COL11A1: variants seen among roughly 807,000 people sequenced by gnomAD.
COL11A1 encodes collagen type XI alpha 1 chain.
A neutral mutation model predicts 265.2 loss-of-function variants in COL11A1; 74 were observed. The observed-to-expected ratio is 0.28, with a 90% CI of 0.23 to 0.34. COL11A1 has a LOEUF of 0.34. COL11A1 is among the 10% of genes least tolerant of loss of function. The pLI, the probability that COL11A1 is intolerant of heterozygous loss-of-function variation, is 1.00. For missense variants in COL11A1, 2,165 were observed against 2,263.6 expected (o/e 0.96, Z 0.88); for synonymous variants, 816 against 727.6 (o/e 1.12, Z -1.96).
intron 43 of COL11A1, among the ~76,000 whole-genome samples, chr1:102,939,298 A>G (rs1658473616): frequency 6.6e-6 from 1 of 152,248 alleles, no homozygotes; most frequent in Non-Finnish European, 1.5e-5. Flanking sequence ...ACTTCAAAGT[A>G]TACTACAACT....
At chr1:103,082,343 G>A (rs1054855353) in intron 2 of COL11A1, among the ~76,000 whole-genome samples, 2 of 151,942 alleles carry the variant, frequency 1.3e-5, no homozygotes, top group African/African-American at 2.4e-5. Context: ...TTACCTTAAT[G>A]TTAGGAAAAC....
At chr1:103,102,712 T>A (rs997811788) in intron 1 of COL11A1, among the ~76,000 whole-genome samples, 1 of 151,976 alleles carries the variant, frequency 6.6e-6, no homozygotes, top group African/African-American at 2.4e-5. Context: ...ATGATGGAGA[T>A]ATCTCAGCAT....
chr1:102,939,199 A>AATT, intron 43 of COL11A1, 111 bp from the exon 44 acceptor site: 2 of 965,154 alleles, frequency 2.1e-6, no homozygotes, highest in Non-Finnish European at 3.3e-6. Flanking sequence ...GCTAGTGTGT[A>AATT]ATGTCACTGT....
At chr1:102,990,143 C>T (rs1663988355) in intron 28 of COL11A1, among the ~76,000 whole-genome samples, 1 of 152,088 alleles carries the variant, frequency 6.6e-6, no homozygotes, top group Non-Finnish European at 1.5e-5. Context: ...CGTGATTGTG[C>T]TACTGTACTC....
chr1:103,074,958 G>C (rs150016279), intron 3 of COL11A1, among the ~76,000 whole-genome samples, 178 bp from the exon 4 acceptor site: 75 of 152,160 alleles, frequency 4.9e-4, no homozygotes, highest in African/African-American at 1.6e-3. Context: ...TTACCCAACA[G>C]TACTAGGTAC....
chr1:102,914,352 T>C lies in COL11A1; in HGVS notation c.3978A>G (p.Ala1326=), dbSNP rs765205964. The C allele has an allele frequency of 1.9e-6, 3 of 1,604,502 alleles. No individual in the cohort carries two copies. Among genetic ancestry groups the C allele is most frequent in the Non-Finnish European group, 8.5e-7 (1 of 1,172,782 alleles). The change falls in exon 52 of 67, where the codon GCA becomes GCG. Residue 1326 remains alanine, a splice_region_variant and synonymous_variant. Coordinates refer to ENST00000370096, the MANE Select transcript of COL11A1 (RefSeq NM_001854.4). ...DPGPPGEPGP[A]GQDGVGGDKG... The stretch of plus-strand genomic sequence containing the variant: ...TTCTTGATTTTTCCCTGATACTTAC[T>C]GCAGGGCCAGGTTCCCCAGGAGGAC...
chr1:102,935,439 T>A (rs974076), intron 44 of COL11A1, among the ~76,000 whole-genome samples: 2 of 152,126 alleles, frequency 1.3e-5, no homozygotes, highest in South Asian at 4.1e-4. Context: ...AGTATCAGAT[T>A]TCTTTAATGA....
At chr1:103,015,632 T>C (rs2101904450) in intron 12 of COL11A1, 36 bp downstream of exon 12, 3 of 1,444,668 alleles carry the variant, frequency 2.1e-6, no homozygotes, top group African/African-American at 1.4e-5. Flanking sequence ...GATGACAAGA[T>C]ATCAAGTCAT....
chr1:103,008,844 G>A (rs951331233), intron 14 of COL11A1, among the ~76,000 whole-genome samples: 2 of 152,116 alleles, frequency 1.3e-5, no homozygotes, highest in African/African-American at 4.8e-5. Context: ...CATTATTTAT[G>A]ACTACACTGT....
intron 35 of COL11A1, 67 bp from the exon 36 acceptor site, chr1:102,974,950 G>A: frequency 8.4e-7 from 1 of 1,190,870 alleles, no homozygotes; most frequent in South Asian, 1.2e-5. Flanking sequence ...TATACTTTGA[G>A]GTTTATTTAC....
intron 54 of COL11A1, among the ~76,000 whole-genome samples, chr1:102,905,237 G>A (rs556809423): frequency 2.0e-5 from 2 of 102,422 alleles, no homozygotes; most frequent in Non-Finnish European, 3.7e-5. Context: ...GTGGGGGGAG[G>A]GGGGAGGGAT....
chr1:102,978,629 A>T, intron 35 of COL11A1, 79 bp downstream of exon 35: 2 of 1,456,832 alleles, frequency 1.4e-6, no homozygotes, highest in Non-Finnish European at 1.9e-6. Flanking sequence ...ATTAGCAGAC[A>T]TATATCTTTT....
rs191976887 is a variant in COL11A1, at chr1:102,956,014, C to T, written c.3168+5852G>A. On this transcript the variant is annotated intron_variant, in intron 41 of 66. Coordinates refer to ENST00000370096, the MANE Select transcript of COL11A1 (RefSeq NM_001854.4). ...GTTTTCCTAGACTTTAAAATCCCAA[C>T]GTCACAGCACCCTATTGGTATAATT... Among the ~76,000 whole-genome samples, 34 of 152,266 alleles carry T rather than the reference C, an allele frequency of 2.2e-4. No homozygotes were observed. The East Asian group carries it at 5.0e-3, about 22-fold the overall frequency.
chr1:103,033,638 A>G lies in COL11A1; in HGVS notation c.652-2394T>C, dbSNP rs755381541. On this transcript the variant is annotated intron_variant, in intron 4 of 66. Coordinates refer to ENST00000370096, the MANE Select transcript of COL11A1 (RefSeq NM_001854.4). ...TTTTTAATCTAAAAAGAGAAATATTATAAACAAGAACAATCTTTTATATTT... is the reference window on the plus strand; with the variant it reads ...TTTTTAATCTAAAAAGAGAAATATTGTAAACAAGAACAATCTTTTATATTT... Among the ~76,000 whole-genome samples the G allele has an allele frequency of 7.7e-4, 117 of 152,162 alleles. 1 individual carries two copies. The highest frequency in any genetic ancestry group is 1.2e-3 in the Non-Finnish European group (81 of 68,014).
chr1:102,980,232 G>A (rs989200635), intron 31 of COL11A1, among the ~76,000 whole-genome samples: 25 of 151,776 alleles, frequency 1.6e-4, no homozygotes, highest in Admixed American at 1.4e-3. Flanking sequence ...TAATAATAAT[G>A]TATAATTAAT....
intron 24 of COL11A1, among the ~76,000 whole-genome samples, chr1:102,998,749 A>T (rs1203690121): frequency 1.3e-5 from 2 of 151,924 alleles, no homozygotes; most frequent in Non-Finnish European, 2.9e-5. Context: ...TAATATTAGT[A>T]AGTACTAATT....
At chr1:102,904,209 A>G (rs1296792411) in intron 54 of COL11A1, among the ~76,000 whole-genome samples, 3 of 152,284 alleles carry the variant, frequency 2.0e-5, no homozygotes, top group Non-Finnish European at 2.9e-5. Context: ...AGCCAGTTTT[A>G]TACAAAAATT....
intron 4 of COL11A1, among the ~76,000 whole-genome samples, chr1:103,038,855 T>C (rs1394731975): frequency 6.6e-6 from 1 of 152,168 alleles, no homozygotes; most frequent in Non-Finnish European, 1.5e-5. Flanking sequence ...ACAGTACATA[T>C]ATTAGTAAAA....
At chr1:103,039,248 T>G (rs758010752) in intron 4 of COL11A1, among the ~76,000 whole-genome samples, 1 of 152,168 alleles carries the variant, frequency 6.6e-6, no homozygotes, top group Non-Finnish European at 1.5e-5. Context: ...AATTTCCCTT[T>G]GATATGACAG....
Sources: gnomAD v4.1 joint callset for allele counts (sites outside exome capture counted in the v4.1 genomes callset) on GRCh38, gnomAD v4.1.1 for gene constraint, MANE v1.5 for transcripts, NCBI Gene and HGNC (gene_info 2026-07-23, HGNC 2026-07-21) for gene names.